PCCA: variants seen among roughly 807,000 people sequenced by gnomAD.
The protein encoded by PCCA is propionyl-CoA carboxylase subunit alpha, also known as propionyl-CoA carboxylase alpha chain, mitochondrial.
In PCCA, 74 loss-of-function variants were observed where a neutral mutation model predicts 101.3. The observed-to-expected ratio is 0.73, with a 90% CI of 0.61 to 0.89. The LOEUF (loss-of-function observed/expected upper bound fraction) is 0.89, where lower values mean the gene tolerates loss of function less well. Among genes scored for constraint, PCCA ranks in the 40% least tolerant of loss-of-function variants. PCCA has a pLI of 0.00. For missense variants in PCCA, 891 were observed against 907.0 expected, an observed-to-expected ratio of 0.98 and a Z score of 0.23; for synonymous variants, 294 against 313.6, an observed-to-expected ratio of 0.94 and a Z score of 0.66.
chr13:100,125,126 A>G (rs997970630), intron 4 of PCCA, among the ~76,000 whole-genome samples: 15 of 100,176 alleles, frequency 1.5e-4, no homozygotes, highest in African/African-American at 6.0e-4. Flanking sequence ...GTATCAGGTG[A>G]CCTTTTATTT....
chr13:100,118,135 A>AG (rs2049005857), intron 4 of PCCA, among the ~76,000 whole-genome samples: 1 of 151,860 alleles, frequency 6.6e-6, no homozygotes, highest in Non-Finnish European at 1.5e-5. Flanking sequence ...GAAAAAAAAA[A>AG]AAAAAGAAAA....
chr13:100,302,887 T>C (rs1432187034), intron 13 of PCCA, 37 bp from the exon 14 acceptor site: 2 of 1,163,220 alleles, frequency 1.7e-6, no homozygotes, highest in Admixed American at 1.7e-5. Flanking sequence ...CTGATTTATA[T>C]TTCAAAGACT....
At chr13:100,287,659 G>A (rs1195833765) in intron 12 of PCCA, among the ~76,000 whole-genome samples, 1 of 151,998 alleles carries the variant, frequency 6.6e-6, no homozygotes, top group African/African-American at 2.4e-5. Context: ...TTAGTTCTAT[G>A]TGATTGTAGC....
At chr13:100,127,513 G>A (rs1211582062) in intron 4 of PCCA, among the ~76,000 whole-genome samples, 1 of 152,110 alleles carries the variant, frequency 6.6e-6, no homozygotes, top group Non-Finnish European at 1.5e-5. Context: ...TTATGAAAAA[G>A]CACCTAATCA....
chr13:100,280,050 T>G (rs2063970850), intron 12 of PCCA, among the ~76,000 whole-genome samples: 1 of 151,734 alleles, frequency 6.6e-6, no homozygotes, highest in South Asian at 2.1e-4. Context: ...CATCTTCACT[T>G]TCTACATTTT....
chr13:100,336,071 T>C (rs2152744515), intron 17 of PCCA, among the ~76,000 whole-genome samples: 1 of 152,258 alleles, frequency 6.6e-6, no homozygotes, highest in South Asian at 2.1e-4. Flanking sequence ...GAGACCAGCC[T>C]GACTAATGTG....
At chr13:100,334,394 A>G (rs2070111018) in intron 17 of PCCA, among the ~76,000 whole-genome samples, 1 of 152,186 alleles carries the variant, frequency 6.6e-6, no homozygotes, top group Admixed American at 6.5e-5. Flanking sequence ...CCAGCAAACC[A>G]CTGCCTAACT....
At chr13:100,520,528 G>C (rs1305414669) in intron 22 of PCCA, among the ~76,000 whole-genome samples, 1 of 151,404 alleles carries the variant, frequency 6.6e-6, no homozygotes, top group Non-Finnish European at 1.5e-5. Context: ...CCAGCTACTC[G>C]GGAGGCTGAG....
chr13:100,217,443 C>CAA (rs61099971), intron 7 of PCCA, among the ~76,000 whole-genome samples: 1,934 of 135,092 alleles, frequency 0.014, 87 homozygotes, highest in Admixed American at 0.098. Context: ...GACTCCATCT[C>CAA]AAAAAAAAAA....
intron 6 of PCCA, chr13:100,161,472 G>A (rs561945108): frequency 6.6e-6 from 1 of 152,270 alleles, no homozygotes; most frequent in African/African-American, 2.4e-5. Context: ...AGGGTCATTG[G>A]TCCTCAGTTA....
chr13:100,156,042 T>C (rs140868316), intron 5 of PCCA, among the ~76,000 whole-genome samples: 87 of 152,328 alleles, frequency 5.7e-4, no homozygotes, highest in African/African-American at 2.0e-3. Flanking sequence ...TTCTGTACCA[T>C]GCTCATAAAG....
At chr13:100,382,366 T>C (rs957298758) in intron 19 of PCCA, among the ~76,000 whole-genome samples, 2 of 152,152 alleles carry the variant, frequency 1.3e-5, no homozygotes, top group Admixed American at 6.5e-5. Context: ...TCCTCTCTGC[T>C]GATTGAGTCT....
intron 5 of PCCA, among the ~76,000 whole-genome samples, chr13:100,155,620 A>C (rs2053801397): frequency 1.3e-5 from 2 of 152,206 alleles, no homozygotes; most frequent in South Asian, 4.1e-4. Flanking sequence ...GTTTGAATAG[A>C]GTGGAATCCA....
intron 22 of PCCA, among the ~76,000 whole-genome samples, chr13:100,525,139 G>A (rs1266348601): frequency 6.6e-6 from 1 of 152,144 alleles, no homozygotes; most frequent in Non-Finnish European, 1.5e-5. Context: ...GATGGAGCAG[G>A]GAGGATCTAA....
chr13:100,128,924 C>T (rs993617205), intron 4 of PCCA, among the ~76,000 whole-genome samples: 2 of 151,994 alleles, frequency 1.3e-5, no homozygotes, highest in African/African-American at 2.4e-5. Flanking sequence ...CTTTCTCTAC[C>T]CTTACCCTGA....
intron 19 of PCCA, among the ~76,000 whole-genome samples, chr13:100,401,176 G>T (rs2077341292): frequency 6.6e-6 from 1 of 151,750 alleles, no homozygotes; most frequent in South Asian, 2.1e-4. Context: ...AAATATTTTA[G>T]ATTTTTTATA....
chr13:100,261,482 C>T (rs565839643), intron 9 of PCCA, among the ~76,000 whole-genome samples: 7 of 152,074 alleles, frequency 4.6e-5, no homozygotes, highest in African/African-American at 1.7e-4. Flanking sequence ...TCTCCTGCTT[C>T]AGTCTCCTGA....
intron 7 of PCCA, among the ~76,000 whole-genome samples, chr13:100,234,722 A>C (rs1200957323): frequency 1.3e-5 from 2 of 149,050 alleles, no homozygotes; most frequent in Non-Finnish European, 3.0e-5. Context: ...GAGGATTCTG[A>C]CATGGTTGCT....
intron 4 of PCCA, among the ~76,000 whole-genome samples, chr13:100,150,110 C>T (rs1206161479): frequency 3.5e-5 from 5 of 141,132 alleles, no homozygotes; most frequent in African/African-American, 1.3e-4. Flanking sequence ...CTCACTGCAA[C>T]CTCTGCCTCC....
Sources: allele counts gnomAD v4.1 joint callset (sites outside exome capture counted in the v4.1 genomes callset), GRCh38; gene constraint gnomAD v4.1.1; transcripts MANE v1.5; gene names NCBI Gene and HGNC (gene_info 2026-07-23, HGNC 2026-07-21).